The following RYR2 variants were observed in gnomAD, a reference collection of about 807,000 sequenced individuals.
RYR2 encodes the protein cardiac muscle ryanodine receptor-calcium release channel.
In RYR2, 227 loss-of-function variants were observed where a neutral mutation model predicts 601.1. The ratio of observed to expected loss-of-function variants is 0.38; its 90% CI spans 0.34 to 0.42. The LOEUF (loss-of-function observed/expected upper bound fraction) is 0.42. RYR2 is among the 10% of genes least tolerant of loss of function. The probability of loss-of-function intolerance (pLI) is 1.00; values close to 1 mark genes in which losing one functional copy is unlikely to be tolerated. For missense variants in RYR2, 4,646 were observed against 6,156.5 expected, an observed-to-expected ratio of 0.75 and a Z score of 8.21; for synonymous variants, 2,223 against 2,175.1, an observed-to-expected ratio of 1.02 and a Z score of -0.61.
chr1:237,263,955 C>T (rs1688780702), intron 1 of RYR2, among the ~76,000 whole-genome samples: 1 of 152,076 alleles, frequency 6.6e-6, no homozygotes, highest in Non-Finnish European at 1.5e-5. Context: ...AGAAGGGACT[C>T]AGGGTGATAG....
At chr1:237,247,290 C>A (rs533995629) in intron 1 of RYR2, among the ~76,000 whole-genome samples, 1 of 152,288 alleles carries the variant, frequency 6.6e-6, no homozygotes, top group East Asian at 1.9e-4. Context: ...TAAAAACTGC[C>A]TTTTCGCTAC....
intron 7 of RYR2, among the ~76,000 whole-genome samples, chr1:237,377,121 C>G (rs1464197995): frequency 6.6e-6 from 1 of 152,156 alleles, no homozygotes; most frequent in Non-Finnish European, 1.5e-5. Flanking sequence ...TCAACCTTCC[C>G]TAAGTGTCAC....
At chr1:237,733,206 G>A (rs140703073) in intron 78 of RYR2, among the ~76,000 whole-genome samples, 26 of 152,212 alleles carry the variant, frequency 1.7e-4, no homozygotes, top group African/African-American at 5.1e-4. Context: ...TTTTCTTCAC[G>A]TAGTCATGGT....
intron 79 of RYR2, among the ~76,000 whole-genome samples, chr1:237,734,387 G>A (rs755966446): frequency 5.9e-5 from 9 of 152,134 alleles, no homozygotes; most frequent in African/African-American, 1.2e-4. Flanking sequence ...CAGCATGAGG[G>A]AAACCGTCCC....
chr1:237,805,752 G>A (rs1660571250), intron 98 of RYR2, among the ~76,000 whole-genome samples: 2 of 151,866 alleles, frequency 1.3e-5, no homozygotes, highest in South Asian at 4.2e-4. Context: ...AGGGTAATTA[G>A]TATATGCATT....
chr1:237,402,509 TA>T (rs1703445788), intron 10 of RYR2, among the ~76,000 whole-genome samples: 1 of 151,892 alleles, frequency 6.6e-6, no homozygotes, highest in Non-Finnish European at 1.5e-5. Context: ...ATTCTAAAAC[TA>T]AAAAATAAAT....
At chr1:237,710,994 G>GA (rs1688791840) in intron 70 of RYR2, among the ~76,000 whole-genome samples, 1 of 152,054 alleles carries the variant, frequency 6.6e-6, no homozygotes, top group African/African-American at 2.4e-5. Flanking sequence ...GGGAGCCCAG[G>GA]AAAAAATTAC....
intron 63 of RYR2, among the ~76,000 whole-genome samples, chr1:237,695,589 C>A (rs1169926399): frequency 6.6e-6 from 1 of 152,182 alleles, no homozygotes; most frequent in Admixed American, 6.5e-5. Context: ...CTGGCCCTTC[C>A]TGTTCTTCCT....
At chr1:237,558,473 A>T (rs1671128193) in intron 27 of RYR2, among the ~76,000 whole-genome samples, 1 of 152,172 alleles carries the variant, frequency 6.6e-6, no homozygotes. Context: ...TAAGGCATTG[A>T]CATTAATCTT....
At chr1:237,131,340 T>C (rs914739484) in intron 1 of RYR2, among the ~76,000 whole-genome samples, 11 of 152,090 alleles carry the variant, frequency 7.2e-5, no homozygotes, top group African/African-American at 2.7e-4. Flanking sequence ...TTATTATCTT[T>C]GATTCTCTTA....
At chr1:237,573,011 G>C (rs1465568002) in intron 29 of RYR2, among the ~76,000 whole-genome samples, 1 of 152,098 alleles carries the variant, frequency 6.6e-6, no homozygotes, top group Non-Finnish European at 1.5e-5. Context: ...ACATACTATG[G>C]TTGCTAAAGT....
intron 65 of RYR2, among the ~76,000 whole-genome samples, chr1:237,701,466 G>C (rs1331413296): frequency 6.6e-6 from 1 of 152,034 alleles, no homozygotes; most frequent in East Asian, 1.9e-4. Flanking sequence ...ATGTGGTGGA[G>C]GTTGCAGTGA....
intron 2 of RYR2, among the ~76,000 whole-genome samples, chr1:237,284,961 C>G (rs1239895756): frequency 1.3e-5 from 2 of 152,012 alleles, no homozygotes; most frequent in African/African-American, 4.8e-5. Context: ...GGTAAACGAT[C>G]ATGTCATCCG....
At chr1:237,318,720 C>G (rs1199141792) in intron 2 of RYR2, among the ~76,000 whole-genome samples, 1 of 152,050 alleles carries the variant, frequency 6.6e-6, no homozygotes, top group Non-Finnish European at 1.5e-5. Flanking sequence ...TCTCTTACTG[C>G]TTTAAATACT....
chr1:237,824,540 G>C (rs539321815), intron 101 of RYR2, among the ~76,000 whole-genome samples: 6 of 127,054 alleles, frequency 4.7e-5, no homozygotes, highest in Admixed American at 1.6e-4. Context: ...AAAATAATAA[G>C]AGCTATATAT....
chr1:237,754,938 T>C, intron 80 of RYR2: 1 of 409,908 alleles, frequency 2.4e-6, no homozygotes, highest in Non-Finnish European at 4.1e-6. Flanking sequence ...AAGCTGCCTC[T>C]TTTTTTTTCT....
At chr1:237,749,384 A>G (rs992913599) in intron 80 of RYR2, among the ~76,000 whole-genome samples, 1 of 152,172 alleles carries the variant, frequency 6.6e-6, no homozygotes, top group Non-Finnish European at 1.5e-5. Flanking sequence ...GTCAATATAT[A>G]TAAGGCACTC....
chr1:237,165,471 A>T (rs1483449166), intron 1 of RYR2, among the ~76,000 whole-genome samples: 1 of 152,210 alleles, frequency 6.6e-6, no homozygotes, highest in Admixed American at 6.5e-5. Flanking sequence ...ACTGTCAAAA[A>T]TTGGGCCCTA....
intron 1 of RYR2, among the ~76,000 whole-genome samples, chr1:237,061,857 C>T (rs927801924): frequency 1.3e-5 from 2 of 151,622 alleles, no homozygotes; most frequent in African/African-American, 4.8e-5. Flanking sequence ...ATGTTATCTT[C>T]TACAGCCTTT....
Sources: allele counts gnomAD v4.1 joint callset (sites outside exome capture counted in the v4.1 genomes callset), GRCh38; gene constraint gnomAD v4.1.1; transcripts MANE v1.5; gene names NCBI Gene and HGNC (gene_info 2026-07-23, HGNC 2026-07-21).